BLOC1S2: variants seen among roughly 807,000 people sequenced by gnomAD.
BLOC1S2 encodes the protein biogenesis of lysosome-related organelles complex 1 subunit 2.
In BLOC1S2, 12 loss-of-function variants were observed where a neutral mutation model predicts 19.6. That is an observed-to-expected ratio of 0.61 (90% CI 0.39 to 0.99). The LOEUF (loss-of-function observed/expected upper bound fraction) is 0.99. Ranked by LOEUF, BLOC1S2 falls within the 50% of genes least tolerant of loss-of-function variation. The pLI is 0.00. For missense variants in BLOC1S2, 142 were observed against 171.0 expected, an observed-to-expected ratio of 0.83 and a Z score of 0.95; for synonymous variants, 66 against 64.1, an observed-to-expected ratio of 1.03 and a Z score of -0.14.
At position 100,280,247 on chromosome 10, in the gene BLOC1S2, A is replaced by AC; in HGVS notation, c.293-20dup. The AC allele has an allele frequency of 4.4e-6, 7 of 1,575,410 alleles. No homozygotes were observed. The highest frequency in any genetic ancestry group is 6.0e-6 in the Non-Finnish European group (7 of 1,157,790). ...CCAGCATCTTTAAAAACAAAGAAAA[A>AC]CTTCATGTTTATATGGCTTTATTAA... On this transcript the variant is annotated intron_variant, in intron 3 of 4. Coordinates refer to ENST00000370372, the MANE Select transcript of BLOC1S2 (RefSeq NM_173809.5).
At chr10:100,286,513 G>A in intron 1 of BLOC1S2, 92 bp downstream of exon 1, 1 of 1,559,548 alleles carries the variant, frequency 6.4e-7, no homozygotes, top group South Asian at 1.2e-5. Context: ...GCCCGTTCCT[G>A]CCAGGTGAGC....
At chr10:100,279,584 A>C (rs926916023) in intron 4 of BLOC1S2, among the ~76,000 whole-genome samples, 4 of 152,178 alleles carry the variant, frequency 2.6e-5, no homozygotes, top group African/African-American at 9.7e-5. Flanking sequence ...AGTACAAAAA[A>C]AAATCATGTA....
At chr10:100,281,634 G>GATT (rs1460407156) in intron 2 of BLOC1S2, among the ~76,000 whole-genome samples, 1 of 150,502 alleles carries the variant, frequency 6.6e-6, no homozygotes, top group African/African-American at 2.5e-5. Context: ...AGTGAGCCGA[G>GATT]ATTGTGCCAC....
In BLOC1S2 at chr10:100,286,668, C is replaced by T. The variant is rs766368348; in HGVS notation, c.-9G>A. The T allele has an allele frequency of 1.9e-6, 3 of 1,609,638 alleles. No homozygotes were observed. Among genetic ancestry groups the T allele is most frequent in the East Asian group, 2.2e-5 (1 of 44,712 alleles). On this transcript the variant is annotated 5_prime_UTR_variant, in exon 1 of 5. Transcript: ENST00000370372. ...TCGGCTGCCGCCGCCATAGCGGACC[C>T]CGCGCTGTTTCCGGGCCGGGGTGCT...
intron 1 of BLOC1S2, 35 bp downstream of exon 1, chr10:100,286,570 C>T: frequency 6.2e-7 from 1 of 1,611,846 alleles, no homozygotes; most frequent in Non-Finnish European, 8.5e-7. Context: ...CCCAGGCCCC[C>T]CACCGGACGC....
At chr10:100,280,790 G>A in intron 3 of BLOC1S2, 144 bp downstream of exon 3, 1 of 1,192,986 alleles carries the variant, frequency 8.4e-7, no homozygotes, top group Admixed American at 3.2e-5. Context: ...CAGAATGGAA[G>A]AAATTCATCT....
chr10:100,285,084 A>G (rs1848200462), intron 2 of BLOC1S2, among the ~76,000 whole-genome samples: 1 of 149,102 alleles, frequency 6.7e-6, no homozygotes, highest in Admixed American at 6.6e-5. Flanking sequence ...CAGAAAAAGA[A>G]AAAAAAAAAT....
chr10:100,286,073 G>GA (rs1251904792), intron 2 of BLOC1S2, 24 bp downstream of exon 2: 3 of 1,610,776 alleles, frequency 1.9e-6, no homozygotes, highest in Non-Finnish European at 2.5e-6. Context: ...AACCGCACCC[G>GA]AATCAACCCA....
intron 4 of BLOC1S2, among the ~76,000 whole-genome samples, chr10:100,277,554 T>TGG (rs1242025220): frequency 4.6e-5 from 3 of 65,174 alleles, no homozygotes; most frequent in South Asian, 5.8e-4. Context: ...GGGAGGGAGG[T>TGG]GGGGGGGTCA....
intron 1 of BLOC1S2, 147 bp from the exon 2 acceptor site, chr10:100,286,360 G>T (rs1458142194): frequency 6.9e-7 from 1 of 1,458,656 alleles, no homozygotes; most frequent in African/African-American, 1.4e-5. Flanking sequence ...CCTTCACTGC[G>T]TCCCTGCCCA....
At chr10:100,280,094 T>C in intron 4 of BLOC1S2, 30 bp downstream of exon 4, 1 of 1,552,584 alleles carries the variant, frequency 6.4e-7, no homozygotes, top group Non-Finnish European at 8.9e-7. Context: ...GCAGTCTTTA[T>C]TACATCAAAA....
chr10:100,286,055 C>T lies in BLOC1S2; in HGVS notation c.172+42G>A, dbSNP rs1479161466. Reference sequence around the variant, plus strand: ...TGCTGCTAACCATCTCCCAGGCCTCCTGGGCCAAACCGCACCCGAATCAAC... The same window carrying T: ...TGCTGCTAACCATCTCCCAGGCCTCTTGGGCCAAACCGCACCCGAATCAAC... On this transcript the variant is annotated intron_variant, in intron 2 of 4. Coordinates refer to ENST00000370372, the MANE Select transcript of BLOC1S2 (RefSeq NM_173809.5). The T allele has an allele frequency of 1.9e-6, 3 of 1,607,956 alleles. No homozygotes were observed. The Admixed American group carries it at 5.0e-5, about 27-fold the overall frequency.
chr10:100,277,716 G>GC (rs1256512162), intron 4 of BLOC1S2, among the ~76,000 whole-genome samples: 1 of 133,448 alleles, frequency 7.5e-6, no homozygotes, highest in Admixed American at 7.2e-5. Context: ...GGGGGGCTCA[G>GC]CCCCCCGCCC....
At chr10:100,286,252 C>T in intron 1 of BLOC1S2, 39 bp from the exon 2 acceptor site, 1 of 1,605,312 alleles carries the variant, frequency 6.2e-7, no homozygotes, top group Non-Finnish European at 8.5e-7. Context: ...CCGCCTACAC[C>T]CGGTGCTAAT....
rs1433479028 is a variant in BLOC1S2, at chr10:100,286,616, T to G, written c.44A>C (p.Glu15Ala). 11 of 1,612,592 alleles carry G rather than the reference T, an allele frequency of 6.8e-6. No individual in the cohort carries two copies. The highest frequency in any genetic ancestry group is 5.1e-6 in the Non-Finnish European group (6 of 1,179,312). Residue 15 changes from glutamate to alanine, a missense_variant, in exon 1 of 5, where the codon GAG becomes GCG. This residue lies in a region of BLOC1S2 where 48 missense variants were observed against 29.7 expected (regional missense o/e 1.61). Coordinates refer to ENST00000370372, the MANE Select transcript of BLOC1S2 (RefSeq NM_173809.5). Reference sequence around the variant, plus strand: ...TCCATTCCGGGTACCTCGGGCGGGCTCATCACTCCGGGTCGCCAGTACGCC... The same window carrying G: ...TCCATTCCGGGTACCTCGGGCGGGCGCATCACTCCGGGTCGCCAGTACGCC... ...AEGVLATRSDEPARDDAAVET... is the reference protein window; with the variant it reads ...AEGVLATRSDAPARDDAAVET...
In BLOC1S2 at chr10:100,286,640, C is replaced by T. The variant is rs1173354317; in HGVS notation, c.20G>A (p.Gly7Asp). The T allele has an allele frequency of 6.2e-7, 1 of 1,609,938 alleles. No individual in the cohort carries two copies. The highest frequency in any genetic ancestry group is 8.5e-7 in the Non-Finnish European group (1 of 1,178,370). Residue 7 changes from glycine (G) to aspartate (D), a missense_variant, in exon 1 of 5, where the codon GGC becomes GAC. Around this residue, in one of 2 missense-constraint regions of BLOC1S2, gnomAD observed 48 missense variants for 29.7 expected, o/e 1.61. Coordinates refer to ENST00000370372, the MANE Select transcript of BLOC1S2 (RefSeq NM_173809.5). MAAAAE[G>D]VLATRSDEPA... is the part of the protein sequence containing the mutation. ...CTCATCACTCCGGGTCGCCAGTACG[C>T]CCTCGGCTGCCGCCGCCATAGCGGA... is the stretch of plus-strand genomic sequence containing the variant.
Position 100,286,257 on chromosome 10 carries a change from G to A in BLOC1S2, c.56-44C>T, listed in dbSNP as rs758227485. The A allele has an allele frequency of 3.8e-6, 6 of 1,595,348 alleles. No homozygotes were observed. In the South Asian group the frequency reaches 6.7e-5, roughly 18 times the overall value. The stretch of plus-strand genomic sequence containing the variant: ...ACTAAGTGTCCCGCCTACACCCGGT[G>A]CTAATCCAGCCAAAGCAGCCTGTTC... On this transcript the variant is annotated intron_variant, in intron 1 of 4. Transcript: ENST00000370372.
In BLOC1S2 at chr10:100,275,491, C is replaced by T; in HGVS notation, c.400G>A (p.Ala134Thr). 11 of 1,605,066 alleles carry T rather than the reference C, an allele frequency of 6.9e-6. No homozygotes were observed. The highest frequency in any genetic ancestry group is 9.4e-6 in the Non-Finnish European group (11 of 1,174,200). The change falls in exon 5 of 5, where the codon GCC becomes ACC. Residue 134 changes from alanine (A) to threonine (T), a missense_variant and splice_region_variant. Transcript: ENST00000370372. ...CGCTTCTCCAGCTTCTTGTACTTGG[C>T]TTCTGTGAGGGATGAGGGAGAGTTA... Reference protein sequence around the residue: ...KLDAYSKKLEAKYKKLEKR With the variant: ...KLDAYSKKLETKYKKLEKR
intron 4 of BLOC1S2, among the ~76,000 whole-genome samples, chr10:100,277,102 G>A (rs529270119): frequency 1.3e-5 from 2 of 151,760 alleles, no homozygotes; most frequent in African/African-American, 2.4e-5. Flanking sequence ...AGTGAGGAGC[G>A]TCTCTGCCCG....
Sources: allele counts gnomAD v4.1 joint callset (sites outside exome capture counted in the v4.1 genomes callset), GRCh38; gene constraint gnomAD v4.1.1; regional missense constraint gnomAD v4.1.1; transcripts MANE v1.5; gene names NCBI Gene and HGNC (gene_info 2026-07-23, HGNC 2026-07-21).